Variants in ADD1 observed in about 807,000 individuals in gnomAD.
The protein encoded by ADD1 is alpha-adducin.
Under a neutral mutation model 80.5 loss-of-function variants are expected in ADD1, and 24 were observed. The observed-to-expected ratio is 0.30, with a 90% confidence interval of 0.22 to 0.42. The LOEUF (loss-of-function observed/expected upper bound fraction) is 0.42. ADD1 is among the 10% of genes least tolerant of loss of function. ADD1 has a pLI of 1.00. For missense variants in ADD1, 948 were observed against 1,019.0 expected (o/e 0.93, Z 0.95); for synonymous variants, 373 against 393.8 (o/e 0.95, Z 0.63).
intron 14 of ADD1, among the ~76,000 whole-genome samples, chr4:2,919,497 A>G (rs1401640516): frequency 2.0e-5 from 3 of 152,166 alleles, no homozygotes; most frequent in Admixed American, 2.0e-4. Flanking sequence ...GCTATTTATT[A>G]CTACCTCAAT....
rs376751477 is a variant in ADD1, at chr4:2,885,890, G to A, written c.510+1224G>A. Among the ~76,000 whole-genome samples the A allele has an allele frequency of 8.0e-4, 122 of 152,150 alleles. 1 individual carries two copies. The highest frequency in any genetic ancestry group is 1.2e-3 in the Non-Finnish European group (84 of 67,982). Reference sequence around the variant, plus strand: ...CTCCCAAAGTGCTGGGATTACAGGCGTGAGCCACCCTGCCCGGCCCCTTCC... The same window carrying A: ...CTCCCAAAGTGCTGGGATTACAGGCATGAGCCACCCTGCCCGGCCCCTTCC... On this transcript the variant is annotated intron_variant, in intron 4 of 15. Transcript: ENST00000683351.
intron 6 of ADD1, among the ~76,000 whole-genome samples, chr4:2,896,532 G>C (rs1046063763): frequency 2.0e-5 from 3 of 152,116 alleles, no homozygotes; most frequent in Non-Finnish European, 4.4e-5. Context: ...TTAATGTCAT[G>C]TGTGTTGGAT....
intron 2 of ADD1, among the ~76,000 whole-genome samples, chr4:2,878,543 G>T (rs562833834): frequency 3.9e-5 from 6 of 152,296 alleles, no homozygotes; most frequent in South Asian, 4.1e-4. Flanking sequence ...GAAACTGATA[G>T]CACCTAGTGT....
intron 14 of ADD1, among the ~76,000 whole-genome samples, chr4:2,925,194 A>G (rs1740762721): frequency 6.6e-6 from 1 of 152,194 alleles, no homozygotes; most frequent in Non-Finnish European, 1.5e-5. Context: ...TCACTCAGCT[A>G]GGTGGTATGG....
Position 2,926,453 on chromosome 4 carries a change from G to A in ADD1, c.2047+341G>A, listed in dbSNP as rs964261418. Reference sequence around the variant, plus strand: ...GTGCCCTCCGCTGTGTGAGCCACACGCCGGCTGCCTCTCAGCCACCGTGTG... The same window carrying A: ...GTGCCCTCCGCTGTGTGAGCCACACACCGGCTGCCTCTCAGCCACCGTGTG... On this transcript the variant is annotated intron_variant, in intron 15 of 15. Transcript: ENST00000683351. The surrounding 1 kb of genome is among the most constrained non-coding windows in gnomAD (Gnocchi z 5.0). 5.7e-6 allele frequency: 4 copies of A among 698,616 alleles called. No homozygotes were observed. Among genetic ancestry groups the A allele is most frequent in the African/African-American group, 3.5e-5 (2 of 57,130 alleles). The allele number at this position is 698,616 out of a possible 1,614,324, so 43.3% of individuals were successfully genotyped here.
intron 4 of ADD1, among the ~76,000 whole-genome samples, chr4:2,886,544 G>A (rs1420553329): frequency 1.3e-5 from 2 of 152,166 alleles, no homozygotes; most frequent in East Asian, 3.8e-4. Context: ...CATTCTGTAT[G>A]TTTAGCTGTT....
chr4:2,882,402 A>G (rs1455466761), intron 3 of ADD1, among the ~76,000 whole-genome samples: 1 of 152,250 alleles, frequency 6.6e-6, no homozygotes, highest in African/African-American at 2.4e-5. Flanking sequence ...CTTACCTAGC[A>G]TTCTTCACTG....
chr4:2,887,166 C>G (rs1462474648), intron 4 of ADD1, among the ~76,000 whole-genome samples: 1 of 152,112 alleles, frequency 6.6e-6, no homozygotes, highest in Non-Finnish European at 1.5e-5. Context: ...GTCTTATAAA[C>G]TAGAACTAGA....
In ADD1 at chr4:2,914,870, C is replaced by A. The variant is rs1738718899; in HGVS notation, c.1792-14C>A. ...GCCGGGCTCCTGCAGACCAGATGTG[C>A]CTTTCATCCACAGGGAGAGCTGGTG... is the stretch of plus-strand genomic sequence containing the variant. On this transcript the variant is annotated splice_polypyrimidine_tract_variant and intron_variant, in intron 13 of 15. Transcript: ENST00000683351. 1.9e-6 allele frequency: 3 copies of A among 1,601,964 alleles called. No individual in the cohort carries two copies. The highest frequency in any genetic ancestry group is 2.6e-6 in the Non-Finnish European group (3 of 1,173,502).
intron 14 of ADD1, among the ~76,000 whole-genome samples, chr4:2,925,247 A>G (rs1214359425): frequency 6.6e-6 from 1 of 152,196 alleles, no homozygotes; most frequent in Non-Finnish European, 1.5e-5. Context: ...GTAGCTGCCA[A>G]CGTGGTACTT....
In ADD1 at chr4:2,894,643, A is replaced by G; in HGVS notation, c.653A>G (p.Gln218Arg). Residue 218 changes from glutamine (Q) to arginine (R), a missense_variant, in exon 6 of 16, where the codon CAG becomes CGG. Coordinates refer to ENST00000683351, the MANE Select transcript of ADD1 (RefSeq NM_001354761.2). ...DRGSTNLGVN[Q>R]AGFTLHSAIY... ...GGAAGCACTAATCTGGGAGTGAATC[A>G]GGCCGGCTTCACCTTACACTCTGCA... 1.2e-6 allele frequency: 2 copies of G among 1,611,054 alleles called. No homozygotes were observed. Among genetic ancestry groups the G allele is most frequent in the Middle Eastern group, 1.7e-4 (1 of 5,938 alleles).
intron 13 of ADD1, among the ~76,000 whole-genome samples, chr4:2,913,495 C>G (rs934686677): frequency 3.3e-5 from 5 of 152,220 alleles, no homozygotes; most frequent in African/African-American, 1.2e-4. Flanking sequence ...GGCCTCGAGT[C>G]AGACCTGGTT....
intron 13 of ADD1, among the ~76,000 whole-genome samples, chr4:2,913,290 C>T (rs1489159131): frequency 2.0e-5 from 3 of 152,344 alleles, no homozygotes; most frequent in African/African-American, 4.8e-5. Flanking sequence ...ACTGCTGTTG[C>T]TGGGATACCA....
intron 6 of ADD1, among the ~76,000 whole-genome samples, chr4:2,896,562 T>G (rs1735271145): frequency 6.6e-6 from 1 of 152,130 alleles, no homozygotes; most frequent in East Asian, 1.9e-4. Flanking sequence ...GAACATTACC[T>G]CTGGTTTGTT....
chr4:2,881,096 G>A (rs1335269393), intron 2 of ADD1, among the ~76,000 whole-genome samples: 1 of 21,180 alleles, frequency 4.7e-5, no homozygotes, highest in Non-Finnish European at 9.3e-5. Context: ...TTTTTTTTTT[G>A]AGACAAAGTC....
In ADD1 at chr4:2,914,987, G is replaced by A. The variant is rs13306092; in HGVS notation, c.1895G>A (p.Arg632His). Reference sequence around the variant, plus strand: ...AACCCCTTCACCACACTCACAGACCGTGAGCTGGAGGAGTACCGCAGGGAG... The same window carrying A: ...AACCCCTTCACCACACTCACAGACCATGAGCTGGAGGAGTACCGCAGGGAG... ...GPNPFTTLTD[R>H]ELEEYRREVE... Residue 632 changes from arginine (R) to histidine (H), a missense_variant, in exon 14 of 16, where the codon CGT (arginine) becomes CAT (histidine). Transcript: ENST00000683351. The A allele has an allele frequency of 7.8e-5, 126 of 1,614,044 alleles. 1 individual carries two copies. Among genetic ancestry groups the A allele is most frequent in the East Asian group, 4.0e-4 (18 of 44,870 alleles).
At chr4:2,896,862 G>A (rs1735329422) in intron 6 of ADD1, among the ~76,000 whole-genome samples, 1 of 152,038 alleles carries the variant, frequency 6.6e-6, no homozygotes, top group African/African-American at 2.4e-5. Context: ...GGGTTCAAAC[G>A]ATTCTCCCAC....
intron 1 of ADD1, among the ~76,000 whole-genome samples, chr4:2,871,207 G>A (rs1470710541): frequency 6.6e-6 from 1 of 151,910 alleles, no homozygotes; most frequent in Non-Finnish European, 1.5e-5. Context: ...TCCTCACCTC[G>A]TGATCCACCC....
At chr4:2,874,604 CAAAA>C (rs576430508) in intron 1 of ADD1, among the ~76,000 whole-genome samples, 2 of 97,996 alleles carry the variant, frequency 2.0e-5, no homozygotes, top group East Asian at 3.6e-4. Flanking sequence ...GAGACTGTCT[CAAAA>C]AAAAAAAAAA....
Sources: allele counts gnomAD v4.1 joint callset (sites outside exome capture counted in the v4.1 genomes callset), GRCh38; gene constraint gnomAD v4.1.1; non-coding constraint Gnocchi (gnomAD v3.1); transcripts MANE v1.5; gene names NCBI Gene and HGNC (gene_info 2026-07-23, HGNC 2026-07-21).